The following BICRAL variants were observed in gnomAD, a reference collection of about 807,000 sequenced individuals.
BICRAL encodes the protein BICRA like chromatin remodeling complex associated protein.
A neutral mutation model predicts 91.8 loss-of-function variants in BICRAL; 8 were observed. That is an observed-to-expected ratio of 0.09 (90% CI 0.05 to 0.16). The LOEUF is 0.16. Among genes scored for constraint, BICRAL ranks in the 10% least tolerant of loss-of-function variants. BICRAL has a pLI of 1.00. For synonymous variants in BICRAL, 445 were observed against 491.1 expected (o/e 0.91, Z 1.24); for missense variants, 1,038 against 1,310.9 (o/e 0.79, Z 3.21).
At chr6:42,795,120 T>C (rs1763385565) in intron 1 of BICRAL, among the ~76,000 whole-genome samples, 1 of 152,162 alleles carries the variant, frequency 6.6e-6, no homozygotes, top group Non-Finnish European at 1.5e-5. Flanking sequence ...TCCAAAACTT[T>C]CTGCTATTAG....
intron 7 of BICRAL, among the ~76,000 whole-genome samples, chr6:42,853,251 C>T (rs1765251842): frequency 6.6e-6 from 1 of 150,574 alleles, no homozygotes. Flanking sequence ...AAAAAAAAGG[C>T]AAGAAAGAGA....
chr6:42,855,969 C>G (rs748914836), intron 9 of BICRAL, 52 bp downstream of exon 9: 1 of 1,372,482 alleles, frequency 7.3e-7, no homozygotes, highest in Non-Finnish European at 1.0e-6. Flanking sequence ...CTTTGGGTCC[C>G]TAGCCTTCAA....
upstream of BICRAL, among the ~76,000 whole-genome samples, chr6:42,779,252 A>ACG (rs1195255613): frequency 6.7e-6 from 1 of 149,988 alleles, no homozygotes; most frequent in African/African-American, 2.5e-5. Context: ...ACACACACAC[A>ACG]CACACACACA....
chr6:42,768,914 G>T (rs1762679030), intron 1 of BICRAL, among the ~76,000 whole-genome samples: 1 of 152,218 alleles, frequency 6.6e-6, no homozygotes, highest in Non-Finnish European at 1.5e-5. Flanking sequence ...GCAGGCTAAA[G>T]ATGTGATGTG....
At chr6:42,857,016 G>C in intron 9 of BICRAL, 75 bp from the exon 10 acceptor site, 1 of 1,223,802 alleles carries the variant, frequency 8.2e-7, no homozygotes, top group Non-Finnish European at 1.2e-6. Context: ...TATTTTATTT[G>C]CATGCAAATA....
chr6:42,801,796 C>T (rs1763579667), intron 1 of BICRAL, among the ~76,000 whole-genome samples: 1 of 151,794 alleles, frequency 6.6e-6, no homozygotes, highest in Non-Finnish European at 1.5e-5. Flanking sequence ...GCAGGAGAAT[C>T]TGCTTGAACC....
intron 1 of BICRAL, among the ~76,000 whole-genome samples, chr6:42,749,061 T>C (rs182171363): frequency 4.6e-5 from 7 of 152,326 alleles, no homozygotes; most frequent in Admixed American, 4.6e-4. Flanking sequence ...TGCTCTCTTG[T>C]AGACATCTTG....
chr6:42,814,808 A>G (rs1365881946), intron 2 of BICRAL, among the ~76,000 whole-genome samples: 1 of 151,684 alleles, frequency 6.6e-6, no homozygotes, highest in Non-Finnish European at 1.5e-5. Context: ...GAAAGAAGCA[A>G]AAGAACAGAT....
At chr6:42,794,794 CAAAA>C (rs1207429482) in intron 1 of BICRAL, among the ~76,000 whole-genome samples, 1 of 95,250 alleles carries the variant, frequency 1.0e-5, no homozygotes, top group Non-Finnish European at 2.1e-5. Context: ...ACTAAAAATA[CAAAA>C]AAAAAAAAAA....
intron 1 of BICRAL, among the ~76,000 whole-genome samples, chr6:42,793,482 G>T (rs1048890618): frequency 4.0e-5 from 6 of 150,504 alleles, no homozygotes; most frequent in Admixed American, 2.7e-4. Flanking sequence ...TAGAGATGGG[G>T]TTTCACCAGT....
intron 6 of BICRAL, among the ~76,000 whole-genome samples, chr6:42,841,893 C>G (rs1764808979): frequency 6.6e-6 from 1 of 152,108 alleles, no homozygotes; most frequent in African/African-American, 2.4e-5. Flanking sequence ...TTATCTATAC[C>G]ACACTGCTTC....
At chr6:42,822,528 C>T (rs1002094147) in intron 3 of BICRAL, among the ~76,000 whole-genome samples, 2 of 151,450 alleles carry the variant, frequency 1.3e-5, no homozygotes, top group African/African-American at 4.9e-5. Context: ...GGATTACAGG[C>T]ATGAGCCACT....
rs1765701854 is a variant in BICRAL, at chr6:42,866,012, G to C, written c.*566G>C. On this transcript the variant is annotated 3_prime_UTR_variant, in exon 13 of 13. Coordinates refer to ENST00000314073, the MANE Select transcript of BICRAL (RefSeq NM_001393499.1). ...CTTCCCCCTCAGCCATCTTTGAGCA[G>C]TAAATTGCTGGCTGTGCTGCCAGGG... The C allele has an allele frequency of 6.6e-6, 1 of 152,466 alleles. No homozygotes were observed. The highest frequency in any genetic ancestry group is 2.1e-4 in the South Asian group (1 of 4,840). 9.4% of individuals were successfully genotyped at this position (152,466 alleles called of 1,614,324 possible).
intron 6 of BICRAL, 28 bp from the exon 7 acceptor site, chr6:42,852,064 A>G (rs1450150006): frequency 7.7e-7 from 1 of 1,299,448 alleles, no homozygotes. Context: ...AATGAAATTA[A>G]TGTTTTCATC....
chr6:42,840,148 A>G (rs1582862035), intron 6 of BICRAL, among the ~76,000 whole-genome samples: 1 of 152,090 alleles, frequency 6.6e-6, no homozygotes, highest in Non-Finnish European at 1.5e-5. Context: ...TGATTCTCCC[A>G]CCTCAGCCTT....
Position 42,829,176 on chromosome 6 carries a change from A to C in BICRAL, c.843A>C (p.Pro281=). ...CAGTAGCACAGCCTGTTACCGTTCC[A>C]TTTAACAGCACAAATTTTCAAACAT... is the stretch of plus-strand genomic sequence containing the variant. The part of the protein sequence containing the change: ...SSPVAQPVTV[P]FNSTNFQTSL... Residue 281 remains proline, a synonymous_variant, in exon 6 of 13, where the codon CCA becomes CCC. Coordinates refer to ENST00000314073, the MANE Select transcript of BICRAL (RefSeq NM_001393499.1). The C allele has an allele frequency of 6.2e-7, 1 of 1,614,172 alleles. No homozygotes were observed. The highest frequency in any genetic ancestry group is 8.5e-7 in the Non-Finnish European group (1 of 1,180,016).
intron 1 of BICRAL, among the ~76,000 whole-genome samples, chr6:42,748,813 G>T (rs531920066): frequency 6.6e-6 from 1 of 152,302 alleles, no homozygotes; most frequent in South Asian, 2.1e-4. Context: ...AACACAGTAG[G>T]AAGGCTGCGA....
chr6:42,857,614 A>AAATAT, intron 10 of BICRAL, among the ~76,000 whole-genome samples: 23 of 96,222 alleles, frequency 2.4e-4, no homozygotes, highest in African/African-American at 1.5e-3. Context: ...AAAAAAAAAA[A>AAATAT]ATATATATAT....
intron 1 of BICRAL, among the ~76,000 whole-genome samples, chr6:42,760,850 G>A (rs182158695): frequency 2.0e-5 from 3 of 152,076 alleles, no homozygotes; most frequent in Admixed American, 6.5e-5. Flanking sequence ...GGCGAAACCC[G>A]ATCTCTACCA....
Sources: gnomAD v4.1 joint callset for allele counts (sites outside exome capture counted in the v4.1 genomes callset) on GRCh38, gnomAD v4.1.1 for gene constraint, MANE v1.5 for transcripts, NCBI Gene and HGNC (gene_info 2026-07-23, HGNC 2026-07-21) for gene names.